The following CACNA1D variants were observed in gnomAD, a reference collection of about 807,000 sequenced individuals.
The protein encoded by CACNA1D is calcium voltage-gated channel subunit alpha1 D.
A neutral mutation model predicts 257.1 loss-of-function variants in CACNA1D; 55 were observed. That is an observed-to-expected ratio of 0.21 (90% CI 0.17 to 0.27). The LOEUF (loss-of-function observed/expected upper bound fraction) is 0.27. Ranked by LOEUF, CACNA1D falls within the 10% of genes least tolerant of loss-of-function variation. The probability of loss-of-function intolerance (pLI) is 1.00; values close to 1 mark genes in which losing one functional copy is unlikely to be tolerated. For missense variants in CACNA1D, 1,876 were observed against 2,784.0 expected (o/e 0.67, Z 7.34); for synonymous variants, 980 against 1,014.9 (o/e 0.97, Z 0.65).
At chr3:53,590,923 C>T (rs1559885674) in intron 3 of CACNA1D, among the ~76,000 whole-genome samples, 2 of 152,190 alleles carry the variant, frequency 1.3e-5, no homozygotes, top group Non-Finnish European at 2.9e-5. Flanking sequence ...GGCCCTACTG[C>T]CTGTCCTGCA....
At chr3:53,498,960 G>A (rs2090465510) in intron 2 of CACNA1D, among the ~76,000 whole-genome samples, 1 of 152,150 alleles carries the variant, frequency 6.6e-6, no homozygotes, top group Admixed American at 6.5e-5. Context: ...AGGGAGCTCG[G>A]TAAGCCAGCA....
intron 29 of CACNA1D, among the ~76,000 whole-genome samples, chr3:53,756,427 CAG>C (rs2095265521): frequency 1.3e-5 from 2 of 152,162 alleles, no homozygotes; most frequent in African/African-American, 2.4e-5. Flanking sequence ...CATCTCACCT[CAG>C]GGGAGGAGGC....
At chr3:53,809,427 T>G (rs528000946) in intron 46 of CACNA1D, 93 of 186,250 alleles carry the variant, frequency 5.0e-4, no homozygotes, top group African/African-American at 1.8e-3. Context: ...CCTGTGCTGT[T>G]TACAGACAGC....
chr3:53,616,347 G>A (rs576755929), intron 3 of CACNA1D, among the ~76,000 whole-genome samples: 22 of 152,334 alleles, frequency 1.4e-4, no homozygotes, highest in African/African-American at 4.6e-4. Flanking sequence ...TGGAGGTGGG[G>A]GAAGGGACAA....
At chr3:53,766,699 T>C (rs1202741895) in intron 30 of CACNA1D, among the ~76,000 whole-genome samples, 1 of 152,170 alleles carries the variant, frequency 6.6e-6, no homozygotes, top group Non-Finnish European at 1.5e-5. Context: ...TCTAAGGAGC[T>C]TTCTGGACCC....
In CACNA1D at chr3:53,810,007, T is replaced by G. The variant is rs1197674488; in HGVS notation, c.5901T>G (p.Ser1967Arg). 2 of 1,613,924 alleles carry G rather than the reference T, an allele frequency of 1.2e-6. No individual in the cohort carries two copies. The highest frequency in any genetic ancestry group is 1.7e-6 in the Non-Finnish European group (2 of 1,179,988). Reference sequence around the variant, plus strand: ...TGGCAGTTGCCGGCCTAGATTCAAGTAAAGCCCAGAAGTACTCACCGAGTC... The same window carrying G: ...TGGCAGTTGCCGGCCTAGATTCAAGGAAAGCCCAGAAGTACTCACCGAGTC... ...QIMAVAGLDS[S>R]KAQKYSPSHS... The change falls in exon 47 of 48, where the codon AGT (serine) becomes AGG (arginine). Residue 1967 changes from serine (S) to arginine (R), a missense_variant. Physicochemically the swap from Ser to Arg is moderately radical, Grantham distance 110. Coordinates refer to ENST00000350061, the MANE Select transcript of CACNA1D (RefSeq NM_001128840.3).
chr3:53,781,039 C>T (rs2095422869), intron 38 of CACNA1D, among the ~76,000 whole-genome samples: 1 of 152,136 alleles, frequency 6.6e-6, no homozygotes, highest in Non-Finnish European at 1.5e-5. Flanking sequence ...GTTAAGGGCT[C>T]CAGAAGGCAG....
At chr3:53,756,524 A>G (rs1221909087) in intron 29 of CACNA1D, among the ~76,000 whole-genome samples, 1 of 152,236 alleles carries the variant, frequency 6.6e-6, no homozygotes, top group Admixed American at 6.5e-5. Flanking sequence ...CAGGTGATTT[A>G]GCCGATTGTG....
chr3:53,647,135 T>G (rs1576219515), intron 3 of CACNA1D, among the ~76,000 whole-genome samples: 2 of 147,590 alleles, frequency 1.4e-5, no homozygotes, highest in African/African-American at 2.5e-5. Flanking sequence ...GGGGAGGGAG[T>G]GGGGGGACAT....
rs543844149 is a variant in CACNA1D, at chr3:53,719,815, G to C, written c.1505+34G>C. 14 of 1,600,602 alleles carry C rather than the reference G, an allele frequency of 8.7e-6. No homozygotes were observed. In the African/African-American group the frequency reaches 1.5e-4, roughly 17 times the overall value. Reference sequence around the variant, plus strand: ...CTTCTTTCTGTTTCTTCGTCAGCCTGTGTGTTGCCTTTGTATGTTCTCACT... The same window carrying C: ...CTTCTTTCTGTTTCTTCGTCAGCCTCTGTGTTGCCTTTGTATGTTCTCACT... On this transcript the variant is annotated intron_variant, in intron 11 of 47. Coordinates refer to ENST00000350061, the MANE Select transcript of CACNA1D (RefSeq NM_001128840.3).
intron 3 of CACNA1D, among the ~76,000 whole-genome samples, chr3:53,585,353 T>C (rs374918175): frequency 6.6e-6 from 1 of 152,258 alleles, no homozygotes; most frequent in African/African-American, 2.4e-5. Flanking sequence ...ATGCATAGCA[T>C]AGATTTGCTT....
At chr3:53,612,584 A>G (rs1349361396) in intron 3 of CACNA1D, among the ~76,000 whole-genome samples, 1 of 152,214 alleles carries the variant, frequency 6.6e-6, no homozygotes. Context: ...TTGTCCTCAC[A>G]TCTATGACTT....
intron 14 of CACNA1D, among the ~76,000 whole-genome samples, chr3:53,726,503 G>T (rs866448011): frequency 2.6e-5 from 4 of 152,222 alleles, no homozygotes; most frequent in Middle Eastern, 3.4e-3. Flanking sequence ...CGAGTGTGGT[G>T]GTGGTCACCT....
Position 53,808,906 on chromosome 3 carries a change from T to C in CACNA1D, c.5871+136T>C. 4.4e-6 allele frequency: 4 copies of C among 899,158 alleles called. No individual in the cohort carries two copies. In the South Asian group the frequency reaches 6.4e-5, roughly 14 times the overall value. The allele number at this position is 899,158 out of a possible 1,614,324, so 55.7% of individuals were successfully genotyped here. A position where few individuals can be genotyped will look rare whatever the true frequency, so the allele number is the denominator to read the frequency against. On this transcript the variant is annotated intron_variant, in intron 46 of 47. Transcript: ENST00000350061. Reference sequence around the variant, plus strand: ...CTTCACCTACAGTCTAGTTAATCTTTGTAACAATCCTGTCAAATAGCTATG... The same window carrying C: ...CTTCACCTACAGTCTAGTTAATCTTCGTAACAATCCTGTCAAATAGCTATG...
intron 26 of CACNA1D, 49 bp from the exon 27 acceptor site, chr3:53,749,219 T>C: frequency 7.3e-7 from 1 of 1,376,174 alleles, no homozygotes; most frequent in Non-Finnish European, 1.0e-6. Flanking sequence ...GGCTGGGCCG[T>C]GTGGGCTGGG....
At chr3:53,735,534 A>G (rs1361621074) in intron 20 of CACNA1D, 31 bp downstream of exon 20, 3 of 1,612,164 alleles carry the variant, frequency 1.9e-6, no homozygotes, top group Non-Finnish European at 1.7e-6. Context: ...TCGCTCTGGG[A>G]TAGCCCTGGC....
In CACNA1D at chr3:53,730,431, G is replaced by C; in HGVS notation, c.2222-11G>C. The C allele has an allele frequency of 6.3e-7, 1 of 1,592,870 alleles. No individual in the cohort carries two copies. The highest frequency in any genetic ancestry group is 8.6e-7 in the Non-Finnish European group (1 of 1,160,496). Reference sequence around the variant, plus strand: ...TAGTAGTGTGTTGTGCCCTTAAAAAGTTGAAATTAGATATTCTACTGAATG... The same window carrying C: ...TAGTAGTGTGTTGTGCCCTTAAAAACTTGAAATTAGATATTCTACTGAATG... On this transcript the variant is annotated splice_polypyrimidine_tract_variant and intron_variant, in intron 15 of 47. Transcript: ENST00000350061.
In CACNA1D at chr3:53,809,912, C is replaced by T. The variant is rs575825068; in HGVS notation, c.5872-66C>T. The T allele has an allele frequency of 2.8e-4, 411 of 1,474,208 alleles. 1 individual carries two copies. The highest frequency in any genetic ancestry group is 1.8e-3 in the East Asian group (81 of 44,226). The allele number at this position is 1,474,208 out of a possible 1,614,324, so 91.3% of individuals were successfully genotyped here. Reference sequence around the variant, plus strand: ...GCGCAGCGCCGGTGCTTGGTCTGTGCGCAGAAGGTTTGAGGCCCGGACCTC... The same window carrying T: ...GCGCAGCGCCGGTGCTTGGTCTGTGTGCAGAAGGTTTGAGGCCCGGACCTC... On this transcript the variant is annotated intron_variant, in intron 46 of 47. Transcript: ENST00000350061.
intron 30 of CACNA1D, chr3:53,762,746 A>G: frequency 2.6e-6 from 1 of 382,450 alleles, no homozygotes; most frequent in Non-Finnish European, 5.2e-6. Flanking sequence ...TCCAGACACA[A>G]ATTTATTTTG....
Sources: gnomAD v4.1 joint callset for allele counts (sites outside exome capture counted in the v4.1 genomes callset) on GRCh38, gnomAD v4.1.1 for gene constraint, MANE v1.5 for transcripts, NCBI Gene and HGNC (gene_info 2026-07-23, HGNC 2026-07-21) for gene names.